Variants in LNPK observed in about 807,000 individuals in gnomAD.
The protein encoded by LNPK is lunapark, ER junction formation factor.
Under a neutral mutation model 55.2 loss-of-function variants are expected in LNPK, and 29 were observed. That is an observed-to-expected ratio of 0.53 (90% confidence interval 0.39 to 0.72). LNPK has a LOEUF of 0.72. Among genes scored for constraint, LNPK ranks in the 30% least tolerant of loss-of-function variants. LNPK has a pLI of 0.00. For synonymous variants in LNPK, 162 were observed against 168.2 expected (o/e 0.96, Z 0.29); for missense variants, 467 against 494.8 (o/e 0.94, Z 0.53).
intron 8 of LNPK, among the ~76,000 whole-genome samples, chr2:175,951,607 A>ATATC (rs1553501590): frequency 0.01 from 1,212 of 118,276 alleles, 23 homozygotes; most frequent in Non-Finnish European, 0.018. Context: ...ATATATATAT[A>ATATC]TATCTCAGTT....
At chr2:175,939,712 T>G in intron 9 of LNPK, 55 bp from the exon 10 acceptor site, 1 of 856,074 alleles carries the variant, frequency 1.2e-6, no homozygotes, top group Non-Finnish European at 1.8e-6. Flanking sequence ...CACATAAAAT[T>G]TAATTCCATT....
chr2:175,956,440 C>T (rs56245265), intron 8 of LNPK, among the ~76,000 whole-genome samples: 11,027 of 152,074 alleles, frequency 0.073, 430 homozygotes, highest in South Asian at 0.098. Context: ...GTTCTCCAAC[C>T]ACTAACCTCT....
At chr2:175,968,245 C>T (rs191443268) in intron 6 of LNPK, among the ~76,000 whole-genome samples, 22 of 152,276 alleles carry the variant, frequency 1.4e-4, no homozygotes, top group African/African-American at 5.1e-4. Flanking sequence ...GATTGTTAAG[C>T]TTTAATTCTC....
intron 4 of LNPK, 120 bp from the exon 5 acceptor site, chr2:175,979,988 C>T: frequency 1.1e-6 from 1 of 903,134 alleles, no homozygotes; most frequent in Non-Finnish European, 1.6e-6. Flanking sequence ...CCTTTATATA[C>T]AGAAAACTAA....
At position 175,924,586 on chromosome 2, in the gene LNPK, C is replaced by T. The variant is rs967087976; in HGVS notation, c.*5381G>A. The T allele has an allele frequency of 1.3e-5, 2 of 151,756 alleles. No individual in the cohort carries two copies. Among genetic ancestry groups the T allele is most frequent in the Non-Finnish European group, 2.9e-5 (2 of 68,018 alleles). The allele number at this position is 151,756 out of a possible 1,614,324, so 9.4% of individuals were successfully genotyped here. A position where few individuals can be genotyped will look rare whatever the true frequency, so the allele number is the denominator to read the frequency against. On this transcript the variant is annotated 3_prime_UTR_variant, in exon 13 of 13. Coordinates refer to ENST00000272748, the MANE Select transcript of LNPK (RefSeq NM_030650.3). ...TGCATTAACAGTTGAGATCTAAGTT[C>T]TGGCTTGGCTCAGGTGCCTGCTATC...
intron 9 of LNPK, among the ~76,000 whole-genome samples, chr2:175,941,450 T>C (rs1684836437): frequency 6.6e-6 from 1 of 151,932 alleles, no homozygotes; most frequent in African/African-American, 2.4e-5. Flanking sequence ...AGAAACATTA[T>C]TTTGCTCCAA....
At chr2:175,976,424 T>A (rs888067112) in intron 5 of LNPK, among the ~76,000 whole-genome samples, 13 of 152,232 alleles carry the variant, frequency 8.5e-5, no homozygotes, top group African/African-American at 3.1e-4. Context: ...AGGCTTTTGG[T>A]CTTGTGATGG....
rs115291381 is a variant in LNPK, at chr2:175,991,538, A to G, written c.257+693T>C. On this transcript the variant is annotated intron_variant, in intron 4 of 12. Transcript: ENST00000272748. The stretch of plus-strand genomic sequence containing the variant: ...GTATTCAGACTGAGGCAATGCCCCT[A>G]TTAAATGCTCCCATAGCATTTTACA... 7.3e-4 allele frequency among the ~76,000 whole-genome samples: 111 copies of G among 152,332 alleles called. 3 individuals are homozygous for G. The highest frequency in any genetic ancestry group is 4.2e-3 in the East Asian group (22 of 5,188).
intron 12 of LNPK, among the ~76,000 whole-genome samples, chr2:175,936,816 C>T (rs1272892057): frequency 6.6e-6 from 1 of 152,006 alleles, no homozygotes; most frequent in Non-Finnish European, 1.5e-5. Context: ...TCTTCTGAAC[C>T]TTTAGAAAAT....
chr2:175,973,296 C>T (rs904349777), intron 5 of LNPK, among the ~76,000 whole-genome samples: 7 of 152,134 alleles, frequency 4.6e-5, no homozygotes, highest in Admixed American at 4.6e-4. Context: ...TAAAACTTTG[C>T]CATTGCTAAG....
upstream of LNPK, chr2:176,002,373 G>T (rs574931927): frequency 3.3e-5 from 12 of 366,318 alleles, no homozygotes; most frequent in Non-Finnish European, 5.3e-5. Flanking sequence ...TACCCTGGGC[G>T]GGTAGTTGTT....
At chr2:175,972,636 T>C (rs1574870824) in intron 5 of LNPK, among the ~76,000 whole-genome samples, 1 of 152,218 alleles carries the variant, frequency 6.6e-6, no homozygotes, top group African/African-American at 2.4e-5. Context: ...TCAAAACTGA[T>C]TGCAAATGAT....
chr2:175,926,703 CATT>C lies in LNPK; in HGVS notation c.*3261_*3263del, dbSNP rs1168077836. ...GAATAAGAATGCAAATGTTTATCAT[CATT>C]ATTAATGCAATGTGAACAGAGAAAT... On this transcript the variant is annotated 3_prime_UTR_variant, in exon 13 of 13. Coordinates refer to ENST00000272748, the MANE Select transcript of LNPK (RefSeq NM_030650.3). 2.0e-5 allele frequency: 3 copies of C among 152,228 alleles called. No homozygotes were observed. Among genetic ancestry groups the C allele is most frequent in the South Asian group, 2.1e-4 (1 of 4,826 alleles). The allele number at this position is 152,228 out of a possible 1,614,324, so 9.4% of individuals were successfully genotyped here.
At chr2:175,939,509 C>A (rs1407476209) in intron 10 of LNPK, 43 bp downstream of exon 10, 1 of 1,065,514 alleles carries the variant, frequency 9.4e-7, no homozygotes, top group East Asian at 2.4e-5. Flanking sequence ...ACACACACAT[C>A]CTGTTTTCAT....
At chr2:175,947,217 G>C (rs975065424) in intron 9 of LNPK, among the ~76,000 whole-genome samples, 1 of 152,144 alleles carries the variant, frequency 6.6e-6, no homozygotes. Context: ...TGTACTGTTG[G>C]CTACAGAATA....
chr2:175,998,214 CG>C (rs1223299558), intron 1 of LNPK, among the ~76,000 whole-genome samples: 8 of 151,850 alleles, frequency 5.3e-5, no homozygotes, highest in African/African-American at 1.7e-4. Flanking sequence ...GAGGCCGAGG[CG>C]GGTGGATCAC....
intron 5 of LNPK, among the ~76,000 whole-genome samples, chr2:175,979,584 A>AT (rs1386271915): frequency 6.6e-6 from 1 of 151,704 alleles, no homozygotes; most frequent in African/African-American, 2.4e-5. Context: ...AAAAAAAAAA[A>AT]GTTTGTTTTG....
chr2:175,950,775 T>C lies in LNPK; in HGVS notation c.494-3083A>G, dbSNP rs558751012. The stretch of plus-strand genomic sequence containing the variant: ...TCTTATGCTTGTTGTAAAGATTAAA[T>C]GACAAAATCAAGACAAAGAACTCAG... On this transcript the variant is annotated intron_variant, in intron 8 of 12. Transcript: ENST00000272748. Among the ~76,000 whole-genome samples the C allele has an allele frequency of 4.1e-4, 62 of 152,076 alleles. 1 individual carries two copies. The highest frequency in any genetic ancestry group is 1.3e-3 in the African/African-American group (53 of 41,510).
At chr2:175,989,866 G>C (rs145424187) in intron 4 of LNPK, among the ~76,000 whole-genome samples, 22 of 152,242 alleles carry the variant, frequency 1.4e-4, no homozygotes, top group African/African-American at 5.3e-4. Flanking sequence ...AAGGATATTA[G>C]AGTATTGATA....
Sources: gnomAD v4.1 joint callset for allele counts (sites outside exome capture counted in the v4.1 genomes callset) on GRCh38, gnomAD v4.1.1 for gene constraint, MANE v1.5 for transcripts, NCBI Gene and HGNC (gene_info 2026-07-23, HGNC 2026-07-21) for gene names.